The following CDH22 variants were observed in gnomAD, a reference collection of about 807,000 sequenced individuals.
The protein encoded by CDH22 is cadherin-22.
CDH22 carries 30 observed loss-of-function variants against 58.4 expected under a neutral mutation model. The observed-to-expected ratio is 0.51, with a 90% CI of 0.38 to 0.70. CDH22 has a LOEUF of 0.70. Among genes scored for constraint, CDH22 ranks in the 30% least tolerant of loss-of-function variants. CDH22 has a pLI of 0.00. For missense variants in CDH22, 1,014 were observed against 1,233.9 expected (o/e 0.82, Z 2.67); for synonymous variants, 513 against 558.2 (o/e 0.92, Z 1.14).
At chr20:46,212,741 T>C (rs1038156442) in intron 6 of CDH22, among the ~76,000 whole-genome samples, 1 of 152,172 alleles carries the variant, frequency 6.6e-6, no homozygotes, top group African/African-American at 2.4e-5. Flanking sequence ...TGTTTGAGGG[T>C]GTGGATTCCC....
intron 1 of CDH22, among the ~76,000 whole-genome samples, chr20:46,286,691 G>C (rs2086578341): frequency 6.6e-6 from 1 of 152,180 alleles, no homozygotes; most frequent in Non-Finnish European, 1.5e-5. Flanking sequence ...GGCTGAGTGA[G>C]AGGGGGTGGG....
chr20:46,175,118 T>A (rs2085729447), intron 11 of CDH22, 41 bp from the exon 12 acceptor site: 1 of 1,558,576 alleles, frequency 6.4e-7, no homozygotes. Context: ...GCCAAGCCCC[T>A]CCCAGGGCAT....
In CDH22 at chr20:46,174,377, C is replaced by G. The variant is rs1334264819; in HGVS notation, c.*129G>C. ...AGAGTCCGCTCCTAGCAAGTCCCCC[C>G]TCCGTCCAGCCGCCAAGGGAGGGTT... is the stretch of plus-strand genomic sequence containing the variant. On this transcript the variant is annotated 3_prime_UTR_variant, in exon 12 of 12. Transcript: ENST00000537909. The surrounding 1 kb of genome is among the most constrained non-coding windows in gnomAD (Gnocchi z 4.4). 7.8e-6 allele frequency: 5 copies of G among 639,644 alleles called. No homozygotes were observed. Among genetic ancestry groups the G allele is most frequent in the Non-Finnish European group, 1.3e-5 (5 of 399,462 alleles). 39.6% of individuals were successfully genotyped at this position (639,644 alleles called of 1,614,324 possible).
chr20:46,259,497 T>C (rs2086421687), intron 1 of CDH22, among the ~76,000 whole-genome samples: 1 of 152,208 alleles, frequency 6.6e-6, no homozygotes, highest in Non-Finnish European at 1.5e-5. Flanking sequence ...TAAATGCACA[T>C]GCTCGCAGAT....
At position 46,228,571 on chromosome 20, in the gene CDH22, G is replaced by T. The variant is rs150225988; in HGVS notation, c.551-944C>A. On this transcript the variant is annotated intron_variant, in intron 3 of 11. Coordinates refer to ENST00000537909, the MANE Select transcript of CDH22 (RefSeq NM_021248.3). ...ACCAGGTGGGGGTGGGGGTAAGGGTGGGGGAGGGTCAGGTGGAGGGGCCAA... is the reference window on the plus strand; with the variant it reads ...ACCAGGTGGGGGTGGGGGTAAGGGTTGGGGAGGGTCAGGTGGAGGGGCCAA... Among the ~76,000 whole-genome samples the T allele has an allele frequency of 6.6e-4, 101 of 152,116 alleles. 1 individual carries two copies. The highest frequency in any genetic ancestry group is 2.3e-3 in the African/African-American group (95 of 41,508).
chr20:46,227,538 C>G lies in CDH22; in HGVS notation c.640G>C (p.Glu214Gln), dbSNP rs755879706. The change falls in exon 4 of 12, where the codon GAG (glutamate) becomes CAG (glutamine). Residue 214 changes from glutamate (E) to glutamine (Q), a missense_variant. This residue lies in a region of CDH22 where 806 missense variants were observed against 1,038.7 expected (regional missense o/e 0.78). Coordinates refer to ENST00000537909, the MANE Select transcript of CDH22 (RefSeq NM_021248.3). ...ARLVYSVLDG[E>Q]HHFTVDPKTG... ...TTGGGGTCCACGGTGAAGTGGTGCT[C>G]GCCGTCCAGCACGCTGTACACCAGC... 6.2e-7 allele frequency: 1 copy of G among 1,608,486 alleles called. No homozygotes were observed. Among genetic ancestry groups the G allele is most frequent in the Non-Finnish European group, 8.5e-7 (1 of 1,178,276 alleles).
At chr20:46,305,300 A>G (rs1216734046) in intron 1 of CDH22, among the ~76,000 whole-genome samples, 1 of 152,346 alleles carries the variant, frequency 6.6e-6, no homozygotes, top group East Asian at 1.9e-4. Flanking sequence ...GCCAGAATCA[A>G]AACACAAGGT....
intron 8 of CDH22, 114 bp from the exon 9 acceptor site, chr20:46,187,061 G>T: frequency 8.7e-7 from 1 of 1,149,124 alleles, no homozygotes; most frequent in Non-Finnish European, 1.2e-6. Context: ...AAATTTGTGG[G>T]TTAACCAAGC....
At position 46,228,963 on chromosome 20, in the gene CDH22, CTT is replaced by C. The variant is rs1404084140; in HGVS notation, c.551-1338_551-1337del. Among the ~76,000 whole-genome samples, 4 of 152,228 alleles carry C rather than the reference CTT, an allele frequency of 2.6e-5. No homozygotes were observed. The East Asian group carries it at 5.8e-4, about 22-fold the overall frequency. On this transcript the variant is annotated intron_variant, in intron 3 of 11. Coordinates refer to ENST00000537909, the MANE Select transcript of CDH22 (RefSeq NM_021248.3). ...CAGACACATGTATTTATTTTTCACT[CTT>C]TTGCATTTCTCATTTCCCTCTCCAG...
At chr20:46,197,584 C>T (rs2085916079) in intron 8 of CDH22, among the ~76,000 whole-genome samples, 1 of 152,038 alleles carries the variant, frequency 6.6e-6, no homozygotes, top group Non-Finnish European at 1.5e-5. Flanking sequence ...GCCAGTCCTC[C>T]CTCACTCCAT....
At chr20:46,215,072 C>T (rs1202940295) in intron 5 of CDH22, among the ~76,000 whole-genome samples, 1 of 152,220 alleles carries the variant, frequency 6.6e-6, no homozygotes, top group Non-Finnish European at 1.5e-5. Flanking sequence ...GTACAATGGA[C>T]ATGTGCGTTT....
intron 11 of CDH22, 124 bp downstream of exon 11, chr20:46,177,822 T>C: frequency 7.9e-7 from 1 of 1,260,844 alleles, no homozygotes; most frequent in South Asian, 1.4e-5. Context: ...TTGGAGATGG[T>C]TTGGCCAGCC....
rs551168889 is a variant in CDH22, at chr20:46,174,429, G to A, written c.*77C>T. 3.4e-4 allele frequency: 353 copies of A among 1,048,834 alleles called. 1 individual carries two copies. The Middle Eastern group carries it at 5.8e-3, about 17-fold the overall frequency. The allele number at this position is 1,048,834 out of a possible 1,614,324, so 65.0% of individuals were successfully genotyped here. ...GGGGAGGGCAGGAAAGGGGGTCCGCGGGGGAAACGCGTTGTCCTGGGGCCC... is the reference window on the plus strand; with the variant it reads ...GGGGAGGGCAGGAAAGGGGGTCCGCAGGGGAAACGCGTTGTCCTGGGGCCC... On this transcript the variant is annotated 3_prime_UTR_variant, in exon 12 of 12. Coordinates refer to ENST00000537909, the MANE Select transcript of CDH22 (RefSeq NM_021248.3). This position sits in a 1 kb window ranked among gnomAD's most constrained non-coding sequence, Gnocchi z 4.4.
In CDH22 at chr20:46,216,549, C is replaced by T. The variant is rs143097505; in HGVS notation, c.838+277G>A. On this transcript the variant is annotated intron_variant, in intron 5 of 11. Transcript: ENST00000537909. The surrounding 1 kb of genome is among the most constrained non-coding windows in gnomAD (Gnocchi z 5.3). ...GAAGGGTGGATGGGTGGGGCTCCCCCTCTGCCGGAAGCAAGAGGAGGTCTG... is the reference window on the plus strand; with the variant it reads ...GAAGGGTGGATGGGTGGGGCTCCCCTTCTGCCGGAAGCAAGAGGAGGTCTG... Among the ~76,000 whole-genome samples the T allele has an allele frequency of 4.3e-3, 649 of 152,242 alleles. 3 individuals carry two copies. The highest frequency in any genetic ancestry group is 0.034 in the Middle Eastern group (10 of 294).
At chr20:46,214,860 A>G (rs2086072274) in intron 5 of CDH22, among the ~76,000 whole-genome samples, 1 of 152,216 alleles carries the variant, frequency 6.6e-6, no homozygotes, top group Non-Finnish European at 1.5e-5. Flanking sequence ...TCTCTTGGGT[A>G]TGAGCTGCTG....
At chr20:46,248,393 C>T (rs972116832) in intron 2 of CDH22, among the ~76,000 whole-genome samples, 5 of 152,208 alleles carry the variant, frequency 3.3e-5, no homozygotes, top group Non-Finnish European at 7.3e-5. Flanking sequence ...GACATTTAGG[C>T]AGATGCATCA....
chr20:46,258,412 C>A (rs1161961185), intron 1 of CDH22, among the ~76,000 whole-genome samples: 1 of 152,148 alleles, frequency 6.6e-6, no homozygotes, highest in East Asian at 1.9e-4. Flanking sequence ...GAAGAGCCTC[C>A]TTCTCCCTGC....
intron 1 of CDH22, among the ~76,000 whole-genome samples, chr20:46,259,829 G>A (rs955448538): frequency 2.0e-5 from 3 of 152,078 alleles, no homozygotes; most frequent in Non-Finnish European, 4.4e-5. Flanking sequence ...TATAAAAAGA[G>A]TGATGGTTGG....
chr20:46,184,173 A>C (rs2085808849), intron 10 of CDH22, among the ~76,000 whole-genome samples: 1 of 150,288 alleles, frequency 6.7e-6, no homozygotes, highest in Admixed American at 6.7e-5. Context: ...ATCTCACCTC[A>C]CTGCAACCTC....
Sources: allele counts gnomAD v4.1 joint callset (sites outside exome capture counted in the v4.1 genomes callset), GRCh38; gene constraint gnomAD v4.1.1; regional missense constraint gnomAD v4.1.1; non-coding constraint Gnocchi (gnomAD v3.1); transcripts MANE v1.5; gene names NCBI Gene and HGNC (gene_info 2026-07-23, HGNC 2026-07-21).